STRN3: variants seen among roughly 807,000 people sequenced by gnomAD.
STRN3 encodes striatin 3.
STRN3 carries 29 observed loss-of-function variants against 95.6 expected under a neutral mutation model. The ratio of observed to expected loss-of-function variants is 0.30; its 90% CI spans 0.23 to 0.41. The LOEUF is 0.41. Among genes scored for constraint, STRN3 ranks in the 10% least tolerant of loss-of-function variants. The pLI, the probability that STRN3 is intolerant of heterozygous loss-of-function variation, is 1.00. For synonymous variants in STRN3, 331 were observed against 357.6 expected, an observed-to-expected ratio of 0.93 and a Z score of 0.84; for missense variants, 890 against 972.1, an observed-to-expected ratio of 0.92 and a Z score of 1.12.
chr14:31,021,084 G>T (rs1468992103), intron 1 of STRN3, among the ~76,000 whole-genome samples: 1 of 152,102 alleles, frequency 6.6e-6, no homozygotes, highest in Non-Finnish European at 1.5e-5. Flanking sequence ...GACCTCTATA[G>T]TACTAGCGAT....
At chr14:30,911,864 T>C in intron 11 of STRN3, 40 bp from the exon 12 acceptor site, 3 of 1,584,614 alleles carry the variant, frequency 1.9e-6, no homozygotes, top group Non-Finnish European at 2.6e-6. Flanking sequence ...GAGAAGGCAA[T>C]TAAATAACTA....
At chr14:30,927,459 C>G (rs567568249) in intron 8 of STRN3, among the ~76,000 whole-genome samples, 1 of 151,850 alleles carries the variant, frequency 6.6e-6, no homozygotes, top group East Asian at 1.9e-4. Context: ...AGATATAGGT[C>G]TAGTCACAGT....
chr14:30,952,718 A>G (rs1566454597), intron 3 of STRN3, among the ~76,000 whole-genome samples: 1 of 152,060 alleles, frequency 6.6e-6, no homozygotes, highest in African/African-American at 2.4e-5. Context: ...CCAAAAAAAC[A>G]ACACTTATTC....
chr14:30,983,413 C>T (rs911766718), intron 1 of STRN3, among the ~76,000 whole-genome samples: 3 of 152,072 alleles, frequency 2.0e-5, no homozygotes, highest in South Asian at 2.1e-4. Context: ...CGTGTGGTGG[C>T]GTATGCCTGT....
chr14:30,952,168 C>G (rs1421442440), intron 3 of STRN3, among the ~76,000 whole-genome samples: 6 of 151,934 alleles, frequency 3.9e-5, no homozygotes, highest in Admixed American at 3.9e-4. Context: ...AGATTAATCT[C>G]TCAACTAGCA....
At chr14:30,915,305 G>A (rs1334756192) in intron 9 of STRN3, among the ~76,000 whole-genome samples, 1 of 152,018 alleles carries the variant, frequency 6.6e-6, no homozygotes, top group African/African-American at 2.4e-5. Context: ...AAATTCAACT[G>A]TACTTAGAAT....
intron 3 of STRN3, among the ~76,000 whole-genome samples, chr14:30,952,229 C>G (rs906440617): frequency 2.0e-5 from 3 of 152,116 alleles, no homozygotes; most frequent in Non-Finnish European, 2.9e-5. Flanking sequence ...AGAAATACTT[C>G]CCCGTAAGTT....
intron 14 of STRN3, among the ~76,000 whole-genome samples, chr14:30,905,770 T>C (rs1896445941): frequency 6.6e-6 from 1 of 152,316 alleles, no homozygotes; most frequent in South Asian, 2.1e-4. Flanking sequence ...TTCTATTTAA[T>C]ATTGTAAGAA....
chr14:30,935,021 G>A, intron 7 of STRN3, 142 bp downstream of exon 7: 2 of 1,034,782 alleles, frequency 1.9e-6, no homozygotes, highest in Non-Finnish European at 2.7e-6. Flanking sequence ...AAAATACCTT[G>A]ATATTATTCA....
At chr14:30,975,836 TAAAAAA>T (rs528570710) in intron 1 of STRN3, among the ~76,000 whole-genome samples, 14 of 113,146 alleles carry the variant, frequency 1.2e-4, no homozygotes, top group East Asian at 2.8e-4. Flanking sequence ...CCTGGCTCTT[TAAAAAA>T]AAAAAAAAAA....
Position 30,905,490 on chromosome 14 carries a change from T to C in STRN3, c.1957A>G (p.Thr653Ala). The C allele has an allele frequency of 6.2e-7, 1 of 1,610,502 alleles. No homozygotes were observed. Among genetic ancestry groups the C allele is most frequent in the Non-Finnish European group, 8.5e-7 (1 of 1,178,586 alleles). ...AAATCATAAATTACTGCACTACCAG[T>C]GTTGAAAGAGGTTACCATATGAGCT... is the stretch of plus-strand genomic sequence containing the variant. ...DPAHMVTSFN[T>A]GSAVIYDLET... The change falls in exon 15 of 18, where the codon ACT (threonine) becomes GCT (alanine). Residue 653 changes from threonine (T) to alanine (A), a missense_variant. By Grantham distance (58) the Thr-to-Ala change is moderately conservative. Around this residue, in one of 3 missense-constraint regions of STRN3, gnomAD observed 357 missense variants for 422.8 expected, o/e 0.84. Transcript: ENST00000357479.
chr14:30,989,847 T>C (rs1391120810), intron 1 of STRN3, among the ~76,000 whole-genome samples: 4 of 151,982 alleles, frequency 2.6e-5, no homozygotes, highest in Non-Finnish European at 4.4e-5. Flanking sequence ...CTGGGCAAAT[T>C]AATTACCTCA....
chr14:30,999,520 A>G (rs555181750), intron 1 of STRN3, among the ~76,000 whole-genome samples: 12 of 152,242 alleles, frequency 7.9e-5, no homozygotes, highest in Non-Finnish European at 1.8e-4. Flanking sequence ...ATTGGGAAGT[A>G]CAGAAACTGA....
chr14:30,901,083 A>T (rs1009947238), intron 16 of STRN3, among the ~76,000 whole-genome samples: 1 of 152,140 alleles, frequency 6.6e-6, no homozygotes, highest in Non-Finnish European at 1.5e-5. Flanking sequence ...TTGCTCTTGC[A>T]GCAGAGAAAA....
intron 16 of STRN3, among the ~76,000 whole-genome samples, chr14:30,896,384 C>T (rs1896150346): frequency 6.6e-6 from 1 of 152,136 alleles, no homozygotes; most frequent in Non-Finnish European, 1.5e-5. Flanking sequence ...TAGTTCCAAG[C>T]TACTCAGGAG....
chr14:30,954,411 T>G (rs17097608), intron 3 of STRN3, among the ~76,000 whole-genome samples: 13,720 of 152,186 alleles, frequency 0.09, 900 homozygotes, highest in South Asian at 0.29. Context: ...TATATTGATT[T>G]CTTTGGGGGT....
intron 11 of STRN3, 85 bp from the exon 12 acceptor site, chr14:30,911,909 C>A: frequency 6.4e-7 from 1 of 1,555,962 alleles, no homozygotes; most frequent in South Asian, 1.2e-5. Context: ...GTCATTAGAT[C>A]AAATGTGTGC....
intron 1 of STRN3, among the ~76,000 whole-genome samples, chr14:30,980,454 C>A (rs1881336666): frequency 6.6e-6 from 1 of 151,928 alleles, no homozygotes; most frequent in South Asian, 2.1e-4. Flanking sequence ...GTCACCCAGG[C>A]TGGAGTGCAG....
intron 1 of STRN3, among the ~76,000 whole-genome samples, chr14:30,977,817 A>G (rs1384970412): frequency 1.5e-5 from 2 of 131,736 alleles, no homozygotes; most frequent in African/African-American, 2.8e-5. Context: ...AAAAAAAAAA[A>G]CATGAAAGAA....
Sources: allele counts gnomAD v4.1 joint callset (sites outside exome capture counted in the v4.1 genomes callset), GRCh38; gene constraint gnomAD v4.1.1; regional missense constraint gnomAD v4.1.1; transcripts MANE v1.5; gene names NCBI Gene and HGNC (gene_info 2026-07-23, HGNC 2026-07-21).